Variants in TPRG1 observed in about 807,000 individuals in gnomAD.
The protein encoded by TPRG1 is tumor protein p63 regulated 1.
TPRG1 carries 29 observed loss-of-function variants against 29.3 expected under a neutral mutation model. The ratio of observed to expected loss-of-function variants is 0.99; its 90% confidence interval spans 0.74 to 1.35. The LOEUF is 1.35. Among genes scored for constraint, TPRG1 ranks in the 40% most tolerant of loss-of-function variants. TPRG1 has a pLI of 0.00. For missense variants in TPRG1, 327 were observed against 335.0 expected (o/e 0.98, Z 0.19); for synonymous variants, 130 against 116.8 (o/e 1.11, Z -0.73).
At chr3:189,261,144 A>G (rs1712953973) in intron 4 of TPRG1, among the ~76,000 whole-genome samples, 1 of 152,184 alleles carries the variant, frequency 6.6e-6, no homozygotes, top group Non-Finnish European at 1.5e-5. Context: ...GCTGAAGTGT[A>G]TGCCGCCCCC....
intron 3 of TPRG1, among the ~76,000 whole-genome samples, chr3:189,228,817 AAAT>A (rs1196553620): frequency 6.6e-6 from 1 of 152,152 alleles, no homozygotes; most frequent in African/African-American, 2.4e-5. Flanking sequence ...CAGAAAGGAA[AAAT>A]ATTAACTATC....
chr3:189,304,160 G>T (rs1721269791), intron 4 of TPRG1, among the ~76,000 whole-genome samples: 3 of 139,642 alleles, frequency 2.1e-5, no homozygotes, highest in Non-Finnish European at 1.5e-5. Context: ...AAATTATTCT[G>T]GTCTTTCAGC....
At chr3:189,063,950 A>G (rs537666624) in intron 4 of TPRG1, among the ~76,000 whole-genome samples, 4 of 152,288 alleles carry the variant, frequency 2.6e-5, no homozygotes, top group Admixed American at 6.5e-5. Flanking sequence ...GAAAAGGTGT[A>G]TGGGTAACGT....
chr3:189,056,025 C>CT (rs1553896825), intron 4 of TPRG1, among the ~76,000 whole-genome samples: 4 of 109,758 alleles, frequency 3.6e-5, no homozygotes, highest in African/African-American at 7.8e-5. Context: ...CCTCCCTTCC[C>CT]TCCCTCCCTT....
intron 5 of TPRG1, among the ~76,000 whole-genome samples, chr3:189,166,111 A>C (rs1728135709): frequency 6.6e-6 from 1 of 152,244 alleles, no homozygotes; most frequent in African/African-American, 2.4e-5. Flanking sequence ...ACCCTCAATA[A>C]CATGGCCTTG....
chr3:189,146,656 C>T (rs1348335146), intron 3 of TPRG1, among the ~76,000 whole-genome samples: 1 of 152,150 alleles, frequency 6.6e-6, no homozygotes, highest in Non-Finnish European at 1.5e-5. Context: ...TCCTTGAGGG[C>T]AGAGACCATG....
chr3:189,029,235 T>A (rs573099302), intron 4 of TPRG1, among the ~76,000 whole-genome samples: 1 of 152,286 alleles, frequency 6.6e-6, no homozygotes, highest in African/African-American at 2.4e-5. Flanking sequence ...GAGAAAGGAA[T>A]CAGTTTGTGA....
At chr3:189,045,104 C>G (rs555396529) in intron 4 of TPRG1, among the ~76,000 whole-genome samples, 339 of 152,120 alleles carry the variant, frequency 2.2e-3, no homozygotes, top group Middle Eastern at 6.8e-3. Context: ...TTAACTGTGC[C>G]CTTCATGGGT....
chr3:189,093,194 GTC>G (rs1718451842), intron 4 of TPRG1, among the ~76,000 whole-genome samples: 3 of 152,098 alleles, frequency 2.0e-5, no homozygotes, highest in African/African-American at 7.2e-5. Flanking sequence ...AGGAGAGAGC[GTC>G]AATAAAGAGA....
intron 4 of TPRG1, among the ~76,000 whole-genome samples, chr3:189,288,949 C>G (rs2058466975): frequency 6.6e-6 from 1 of 152,180 alleles, no homozygotes; most frequent in African/African-American, 2.4e-5. Context: ...GTGAGCCTTT[C>G]CTCCCCAAAA....
At chr3:189,153,390 G>A (rs569353987) in intron 5 of TPRG1, among the ~76,000 whole-genome samples, 2 of 152,336 alleles carry the variant, frequency 1.3e-5, no homozygotes, top group South Asian at 4.1e-4. Context: ...ACAGAGAAGA[G>A]CTAAGCAAGA....
intron 3 of TPRG1, among the ~76,000 whole-genome samples, chr3:189,023,124 G>C (rs1309595467): frequency 6.6e-6 from 1 of 152,204 alleles, no homozygotes; most frequent in African/African-American, 2.4e-5. Context: ...TGCGCCCACT[G>C]TCTGGCACTC....
At chr3:189,091,962 C>T (rs1319872291) in intron 4 of TPRG1, among the ~76,000 whole-genome samples, 3 of 151,956 alleles carry the variant, frequency 2.0e-5, no homozygotes, top group African/African-American at 7.3e-5. Context: ...CCTTATTTTG[C>T]TCTCCTATTT....
At chr3:189,075,053 C>T (rs143410784) in intron 4 of TPRG1, among the ~76,000 whole-genome samples, 6,422 of 152,126 alleles carry the variant, frequency 0.042, 454 homozygotes, top group African/African-American at 0.14. Context: ...CCTCGTGATC[C>T]ACCTACCTCG....
At chr3:189,174,588 G>A (rs181710656) in intron 1 of TPRG1, among the ~76,000 whole-genome samples, 5 of 152,176 alleles carry the variant, frequency 3.3e-5, no homozygotes, top group African/African-American at 9.7e-5. Flanking sequence ...CCAGGCTACA[G>A]GTTAATGGCA....
intron 1 of TPRG1, among the ~76,000 whole-genome samples, chr3:189,201,839 TG>T (rs1233725055): frequency 8.6e-5 from 13 of 151,966 alleles, no homozygotes; most frequent in Admixed American, 6.6e-5. Context: ...TTAGTAGAGA[TG>T]GGGTTTCACC....
chr3:189,233,396 T>C (rs768714081), intron 3 of TPRG1, among the ~76,000 whole-genome samples: 17 of 152,140 alleles, frequency 1.1e-4, no homozygotes, highest in Non-Finnish European at 1.9e-4. Context: ...GCTCTCAGGA[T>C]GGATCCAGCC....
Position 189,006,132 on chromosome 3 carries a change from G to C in TPRG1, c.-660+1372G>C, listed in dbSNP as rs939011404. On this transcript the variant is annotated intron_variant, in intron 3 of 10. Transcript: ENST00000433971. ...ATTGGTAAAACTACGAAGCGTATTT[G>C]AATATAGCTGTTTCTCAATCCGCAT... is the stretch of plus-strand genomic sequence containing the variant. Among the ~76,000 whole-genome samples, 4 of 152,130 alleles carry C rather than the reference G, an allele frequency of 2.6e-5. No homozygotes were observed. In the East Asian group the frequency reaches 7.7e-4, roughly 29 times the overall value.
intron 3 of TPRG1, among the ~76,000 whole-genome samples, chr3:189,235,415 G>T (rs1015872117): frequency 6.6e-6 from 1 of 151,998 alleles, no homozygotes; most frequent in Non-Finnish European, 1.5e-5. Flanking sequence ...AGAGAGGTGG[G>T]TGGTGTTGAC....
Sources: gnomAD v4.1 joint callset for allele counts (sites outside exome capture counted in the v4.1 genomes callset) on GRCh38, gnomAD v4.1.1 for gene constraint, MANE v1.5 for transcripts, NCBI Gene and HGNC (gene_info 2026-07-23, HGNC 2026-07-21) for gene names.